LAMA2: variants seen among roughly 807,000 people sequenced by gnomAD.
LAMA2 encodes the protein laminin subunit alpha-2.
A neutral mutation model predicts 364.8 loss-of-function variants in LAMA2; 269 were observed. The observed-to-expected ratio is 0.74, with a 90% confidence interval of 0.67 to 0.82. LAMA2 has a LOEUF of 0.82. LAMA2 is among the 40% of genes least tolerant of loss of function. LAMA2 has a pLI of 0.00. For synonymous variants in LAMA2, 1,379 were observed against 1,370.6 expected, an observed-to-expected ratio of 1.01 and a Z score of -0.14; for missense variants, 3,807 against 3,873.2, an observed-to-expected ratio of 0.98 and a Z score of 0.45.
At chr6:129,444,688 C>A (rs1276663726) in intron 44 of LAMA2, among the ~76,000 whole-genome samples, 1 of 152,154 alleles carries the variant, frequency 6.6e-6, no homozygotes. Flanking sequence ...ACATGTGATT[C>A]GTTCCTGAGG....
chr6:129,255,680 G>A (rs1264882121), intron 14 of LAMA2, among the ~76,000 whole-genome samples: 1 of 151,932 alleles, frequency 6.6e-6, no homozygotes, highest in Non-Finnish European at 1.5e-5. Context: ...AAATTTTGCG[G>A]TTTGGGATCA....
At position 129,049,964 on chromosome 6, in the gene LAMA2, G is replaced by A. The variant is rs1379023370; in HGVS notation, c.159G>A (p.Thr53=). Residue 53 remains threonine, a synonymous_variant, in exon 2 of 65, where the codon ACG becomes ACA. Transcript: ENST00000421865. ...ATCTTGCTTCTAATGCTCTTATCAC[G>A]ACCAATGCAACATGTGGAGAAAAAG... is the stretch of plus-strand genomic sequence containing the variant. The part of the protein sequence containing the change: ...VLNLASNALI[T]TNATCGEKGP... The A allele has an allele frequency of 1.4e-5, 23 of 1,613,650 alleles. No individual in the cohort carries two copies. The highest frequency in any genetic ancestry group is 3.3e-5 in the Admixed American group (2 of 59,996).
intron 19 of LAMA2, among the ~76,000 whole-genome samples, chr6:129,289,477 A>G (rs1020076729): frequency 6.6e-6 from 1 of 152,156 alleles, no homozygotes; most frequent in African/African-American, 2.4e-5. Flanking sequence ...CTTTGGTAGC[A>G]GTGCTCATAG....
intron 20 of LAMA2, among the ~76,000 whole-genome samples, chr6:129,293,239 G>A (rs369209387): frequency 5.3e-5 from 8 of 152,254 alleles, no homozygotes; most frequent in Admixed American, 2.0e-4. Context: ...ATAACCATCC[G>A]TATGCTTTAA....
intron 29 of LAMA2, among the ~76,000 whole-genome samples, chr6:129,341,480 G>A (rs549627039): frequency 2.4e-4 from 36 of 152,224 alleles, no homozygotes; most frequent in Admixed American, 5.2e-4. Flanking sequence ...TGCAAGGATC[G>A]CATTCCCACA....
At chr6:129,499,173 C>A (rs984944512) in intron 58 of LAMA2, among the ~76,000 whole-genome samples, 1 of 152,120 alleles carries the variant, frequency 6.6e-6, no homozygotes, top group Non-Finnish European at 1.5e-5. Flanking sequence ...TCCCATTTTC[C>A]CCATTATCTA....
intron 28 of LAMA2, among the ~76,000 whole-genome samples, chr6:129,321,283 C>T (rs759577360): frequency 7.2e-5 from 11 of 152,042 alleles, no homozygotes; most frequent in African/African-American, 1.2e-4. Context: ...AGGAACAGTA[C>T]GACTTAAGGG....
At position 129,157,746 on chromosome 6, in the gene LAMA2, T is replaced by C; in HGVS notation, c.1206+3063T>C. ...GTATGACGGATCACTCGGTACCATG[T>C]TATAATATGGCAATTGGTAGTCTTC... On this transcript the variant is annotated intron_variant, in intron 8 of 64. Coordinates refer to ENST00000421865, the MANE Select transcript of LAMA2 (RefSeq NM_000426.4). 4.3e-6 allele frequency: 7 copies of C among 1,612,478 alleles called. No homozygotes were observed. The Admixed American group carries it at 6.7e-5, about 15-fold the overall frequency.
chr6:129,011,766 T>TA (rs1487643296), intron 1 of LAMA2, among the ~76,000 whole-genome samples: 5 of 152,244 alleles, frequency 3.3e-5, no homozygotes, highest in Admixed American at 2.0e-4. Flanking sequence ...TGGTTTCTTT[T>TA]AAAAACTATT....
intron 1 of LAMA2, among the ~76,000 whole-genome samples, chr6:129,004,335 A>G (rs1397991459): frequency 6.9e-5 from 4 of 58,028 alleles, no homozygotes; most frequent in Admixed American, 4.2e-4. Flanking sequence ...GCGCACCAGC[A>G]TGGCACATGT....
chr6:129,303,698 AT>A lies in LAMA2; in HGVS notation c.3174+2827del, dbSNP rs1354804320. 4.6e-5 allele frequency among the ~76,000 whole-genome samples: 7 copies of A among 152,316 alleles called. No individual in the cohort carries two copies. In the South Asian group the frequency reaches 1.4e-3, roughly 32 times the overall value. On this transcript the variant is annotated intron_variant, in intron 22 of 64. Transcript: ENST00000421865. ...TGATATTTCTTTTTAAGCTGTTAAT[AT>A]GACAGATTATACTGATTGATTTTCA...
intron 1 of LAMA2, among the ~76,000 whole-genome samples, chr6:128,923,692 T>C (rs567486697): frequency 6.6e-6 from 1 of 152,306 alleles, no homozygotes; most frequent in East Asian, 1.9e-4. Context: ...AATTACTCAA[T>C]CACTAATCTG....
Position 129,186,040 on chromosome 6 carries a change from T to C in LAMA2, c.1468-4165T>C, listed in dbSNP as rs1232915048. On this transcript the variant is annotated intron_variant, in intron 10 of 64. Transcript: ENST00000421865. ...TGAAAAGAATCACTAATGGACTCTA[T>C]ACAAATAAAGTGTTAAAATGAATTT... 2.6e-5 allele frequency among the ~76,000 whole-genome samples: 4 copies of C among 151,850 alleles called. No individual in the cohort carries two copies. The East Asian group carries it at 5.8e-4, about 22-fold the overall frequency.
intron 48 of LAMA2, among the ~76,000 whole-genome samples, chr6:129,458,184 T>A (rs890745227): frequency 6.6e-6 from 1 of 152,044 alleles, no homozygotes; most frequent in African/African-American, 2.4e-5. Flanking sequence ...ACAGTGGTCT[T>A]CACTCTCAAC....
chr6:129,287,360 T>C (rs574120144), intron 18 of LAMA2, among the ~76,000 whole-genome samples: 1 of 152,236 alleles, frequency 6.6e-6, no homozygotes, highest in African/African-American at 2.4e-5. Context: ...ATCTTCTGAG[T>C]CACAGTTTCT....
intron 11 of LAMA2, among the ~76,000 whole-genome samples, chr6:129,191,780 C>CCTTA (rs1781535971): frequency 6.6e-6 from 1 of 152,130 alleles, no homozygotes. Context: ...ATAGAGTCAC[C>CCTTA]CTTAGCATTC....
At position 129,201,373 on chromosome 6, in the gene LAMA2, G is replaced by A. The variant is rs548758946; in HGVS notation, c.1782+8520G>A. ...CAGAGAGAGAGACGAGGAGAGAGCT[G>A]CAGCTATCTGCAAAGAGAAACCGGA... is the stretch of plus-strand genomic sequence containing the variant. On this transcript the variant is annotated intron_variant, in intron 12 of 64. Coordinates refer to ENST00000421865, the MANE Select transcript of LAMA2 (RefSeq NM_000426.4). 8.5e-5 allele frequency among the ~76,000 whole-genome samples: 13 copies of A among 152,286 alleles called. No homozygotes were observed. The South Asian group carries it at 2.5e-3, about 29-fold the overall frequency.
chr6:129,168,483 G>A (rs1460627337), intron 9 of LAMA2, among the ~76,000 whole-genome samples: 4 of 152,136 alleles, frequency 2.6e-5, no homozygotes, highest in East Asian at 1.9e-4. Context: ...GTACATATGC[G>A]GCGTTATTTC....
chr6:128,896,439 A>T (rs944099370), intron 1 of LAMA2, among the ~76,000 whole-genome samples: 12 of 151,128 alleles, frequency 7.9e-5, no homozygotes, highest in Admixed American at 6.6e-4. Context: ...TACACATTCC[A>T]GTAACACTGA....
Sources: allele counts gnomAD v4.1 joint callset (sites outside exome capture counted in the v4.1 genomes callset), GRCh38; gene constraint gnomAD v4.1.1; transcripts MANE v1.5; gene names NCBI Gene and HGNC (gene_info 2026-07-23, HGNC 2026-07-21).